CSMD1: variants seen among roughly 807,000 people sequenced by gnomAD.
CSMD1 encodes the protein CUB and sushi domain-containing protein 1.
In CSMD1, 213 loss-of-function variants were observed where a neutral mutation model predicts 417.5. The ratio of observed to expected loss-of-function variants is 0.51; its 90% CI spans 0.46 to 0.57. CSMD1 has a LOEUF of 0.57. Ranked by LOEUF, CSMD1 falls within the 20% of genes least tolerant of loss-of-function variation. The pLI is 0.00. For missense variants in CSMD1, 6,923 were observed against 4,529.7 expected, an observed-to-expected ratio of 1.53 and a Z score of -15.17; for synonymous variants, 2,862 against 1,736.8, an observed-to-expected ratio of 1.65 and a Z score of -16.11.
chr8:3,388,008 T>C (rs1811117641), intron 17 of CSMD1, among the ~76,000 whole-genome samples: 1 of 152,250 alleles, frequency 6.6e-6, no homozygotes. Context: ...AGACTTTTCC[T>C]GTTTTCTATT....
intron 10 of CSMD1, among the ~76,000 whole-genome samples, chr8:3,534,119 G>T (rs551506473): frequency 1.3e-5 from 2 of 152,026 alleles, no homozygotes; most frequent in African/African-American, 2.4e-5. Context: ...CATATTCCCC[G>T]CTCTCACTCA....
chr8:4,729,924 C>A (rs1289737901), intron 1 of CSMD1, among the ~76,000 whole-genome samples: 1 of 152,134 alleles, frequency 6.6e-6, no homozygotes, highest in African/African-American at 2.4e-5. Flanking sequence ...GATTTTCATC[C>A]TTTCCATGGA....
intron 3 of CSMD1, among the ~76,000 whole-genome samples, chr8:4,253,624 G>C (rs757018323): frequency 1.3e-5 from 2 of 152,094 alleles, no homozygotes; most frequent in Non-Finnish European, 2.9e-5. Flanking sequence ...TAAAAGACTG[G>C]AGGGAAGGGG....
chr8:4,741,094 C>T (rs536056550), intron 1 of CSMD1, among the ~76,000 whole-genome samples: 2 of 152,110 alleles, frequency 1.3e-5, no homozygotes, highest in African/African-American at 4.8e-5. Context: ...ATTAAATTGG[C>T]TCACAAGATC....
chr8:4,669,387 T>C (rs999600040), intron 1 of CSMD1, among the ~76,000 whole-genome samples: 25 of 152,362 alleles, frequency 1.6e-4, no homozygotes, highest in Middle Eastern at 3.4e-3. Flanking sequence ...TTGGTAATCA[T>C]ACAAATGATT....
intron 2 of CSMD1, among the ~76,000 whole-genome samples, chr8:4,457,318 T>C (rs1585109281): frequency 1.3e-5 from 2 of 152,034 alleles, no homozygotes; most frequent in East Asian, 3.9e-4. Flanking sequence ...ACTTTTGAAT[T>C]TGTAGAGTGC....
intron 3 of CSMD1, among the ~76,000 whole-genome samples, chr8:4,147,196 C>G (rs1043634140): frequency 6.6e-6 from 1 of 152,116 alleles, no homozygotes; most frequent in Non-Finnish European, 1.5e-5. Flanking sequence ...AACACTCCCT[C>G]ACACAACTAC....
chr8:3,023,821 A>G (rs1334056479), intron 51 of CSMD1, among the ~76,000 whole-genome samples: 3 of 151,608 alleles, frequency 2.0e-5, no homozygotes, highest in African/African-American at 7.3e-5. Flanking sequence ...AGATCTTACA[A>G]GCAGGGCCAC....
At position 4,152,200 on chromosome 8, in the gene CSMD1, G is replaced by C. The variant is rs912798442; in HGVS notation, c.416-120101C>G. Among the ~76,000 whole-genome samples, 10 of 152,190 alleles carry C rather than the reference G, an allele frequency of 6.6e-5. No individual in the cohort carries two copies. The East Asian group carries it at 1.7e-3, about 26-fold the overall frequency. ...CTAACATAGTTCTTACATCTTTGGA[G>C]AAGAAGGAACACCATACACTTTCAA... is the stretch of plus-strand genomic sequence containing the variant. On this transcript the variant is annotated intron_variant, in intron 3 of 69. Transcript: ENST00000635120.
At position 3,201,697 on chromosome 8, in the gene CSMD1, C is replaced by G. The variant is rs1350357721; in HGVS notation, c.5013G>C (p.Gln1671His). The G allele has an allele frequency of 1.2e-6, 2 of 1,603,106 alleles. No individual in the cohort carries two copies. Among genetic ancestry groups the G allele is most frequent in the Admixed American group, 3.4e-5 (2 of 58,654 alleles). Residue 1671 changes from glutamine (Q) to histidine (H), a missense_variant, in exon 32 of 70, where the codon CAG (glutamine) becomes CAC (histidine). Gln to His is a conservative substitution (Grantham distance 24). Transcript: ENST00000635120. ...ATTCTGCCAAATCATTCAGGGCTGT[C>G]TGGAAATAGGCAAACTGTCCAAAGA... ...FVVFGQFAYF[Q>H]TALNDLAELF... is the part of the protein sequence containing the mutation.
chr8:4,772,296 T>A (rs1434636848), intron 1 of CSMD1, among the ~76,000 whole-genome samples: 1 of 152,194 alleles, frequency 6.6e-6, no homozygotes, highest in East Asian at 1.9e-4. Flanking sequence ...ACACGTCAAA[T>A]CTCTCCTTCA....
chr8:4,099,689 C>G (rs1050729166), intron 3 of CSMD1, among the ~76,000 whole-genome samples: 2 of 151,782 alleles, frequency 1.3e-5, no homozygotes, highest in Admixed American at 1.3e-4. Context: ...AACAAACAAA[C>G]AAAACCTCTT....
intron 3 of CSMD1, among the ~76,000 whole-genome samples, chr8:4,157,342 T>C (rs1225788222): frequency 6.6e-6 from 1 of 152,146 alleles, no homozygotes; most frequent in African/African-American, 2.4e-5. Flanking sequence ...GCCCAAGATA[T>C]TTACCATCAT....
chr8:3,170,924 A>T (rs1415188091), intron 37 of CSMD1, among the ~76,000 whole-genome samples: 1 of 152,212 alleles, frequency 6.6e-6, no homozygotes, highest in Non-Finnish European at 1.5e-5. Flanking sequence ...TTGCCACATG[A>T]TTTAGAAATG....
rs977557932 is a variant in CSMD1 at position 3,931,470 on chromosome 8, G to T, written c.818+66433C>A. 2.0e-5 allele frequency among the ~76,000 whole-genome samples: 3 copies of T among 150,090 alleles called. 1 individual carries two copies. Among genetic ancestry groups the T allele is most frequent in the Admixed American group, 2.0e-4 (3 of 15,076 alleles). On this transcript the variant is annotated intron_variant, in intron 5 of 69. Coordinates refer to ENST00000635120, the MANE Select transcript of CSMD1 (RefSeq NM_033225.6). ...TTTTAAACCTCCTGACAATTCATCA[G>T]ATTGGAGCATTTTTAAAAGGCATAA...
intron 5 of CSMD1, among the ~76,000 whole-genome samples, chr8:3,946,842 A>G (rs545895402): frequency 1.3e-5 from 2 of 152,292 alleles, no homozygotes; most frequent in Admixed American, 1.3e-4. Context: ...TTATAATTTT[A>G]AAAATTTTGT....
intron 11 of CSMD1, among the ~76,000 whole-genome samples, chr8:3,483,016 C>T (rs1817831765): frequency 6.6e-6 from 1 of 151,906 alleles, no homozygotes; most frequent in Admixed American, 6.6e-5. Context: ...TAAATGACTA[C>T]ATTAGATAGA....
chr8:3,719,962 C>A (rs1802057810), intron 6 of CSMD1, among the ~76,000 whole-genome samples: 1 of 152,130 alleles, frequency 6.6e-6, no homozygotes, highest in South Asian at 2.1e-4. Context: ...AGATGATCAC[C>A]ACCTGACCCT....
intron 3 of CSMD1, among the ~76,000 whole-genome samples, chr8:4,158,436 A>C (rs370838966): frequency 1.2e-3 from 182 of 152,298 alleles, no homozygotes; most frequent in African/African-American, 3.7e-3. Context: ...AACAAACAAA[A>C]AAAAATCAAA....
Sources: gnomAD v4.1 joint callset for allele counts (sites outside exome capture counted in the v4.1 genomes callset) on GRCh38, gnomAD v4.1.1 for gene constraint, MANE v1.5 for transcripts, NCBI Gene and HGNC (gene_info 2026-07-23, HGNC 2026-07-21) for gene names.